The following FAM83H variants were observed in gnomAD, a reference collection of about 807,000 sequenced individuals.
FAM83H encodes protein FAM83H.
FAM83H carries 24 observed loss-of-function variants against 30.2 expected under a neutral mutation model. That is an observed-to-expected ratio of 0.79 (90% confidence interval 0.57 to 1.12). The LOEUF is 1.12. Ranked by LOEUF, FAM83H falls within the 50% of genes most tolerant of loss-of-function variation. The pLI, the probability that FAM83H is intolerant of heterozygous loss-of-function variation, is 0.00. For synonymous variants in FAM83H, 1,013 were observed against 821.7 expected, an observed-to-expected ratio of 1.23 and a Z score of -3.98; for missense variants, 2,038 against 1,773.9, an observed-to-expected ratio of 1.15 and a Z score of -2.67.
Position 143,730,149 on chromosome 8 carries a change from C to A in FAM83H, c.434G>T (p.Arg145Leu). The A allele has an allele frequency of 6.3e-7, 1 of 1,579,288 alleles. No homozygotes were observed. Among genetic ancestry groups the A allele is most frequent in the Non-Finnish European group, 8.6e-7 (1 of 1,159,020 alleles). The change falls in exon 2 of 5, where the codon CGT becomes CTT. Residue 145 changes from arginine (R) to leucine (L), a missense_variant. By Grantham distance (102) the Arg-to-Leu change is moderately radical (BLOSUM62 -2). Coordinates refer to ENST00000388913, the MANE Select transcript of FAM83H (RefSeq NM_198488.5). ...AAGATGGCGCACCTGCTGGGCGGAA[C>A]GGATCATCCTGCGGGCCTCATCCTT... ...SIKDEARRMI[R>L]SAQQVVAVVM...
intron 1 of FAM83H, among the ~76,000 whole-genome samples, chr8:143,730,985 C>T (rs1197102482): frequency 6.6e-6 from 1 of 152,042 alleles, no homozygotes; most frequent in African/African-American, 2.4e-5. Flanking sequence ...GTCCCAGGCA[C>T]TTGGGAAGCT....
rs781915067 is a variant in FAM83H, at chr8:143,727,603, C to G, written c.1858G>C (p.Ala620Pro). The G allele has an allele frequency of 8.9e-5, 141 of 1,579,160 alleles. No homozygotes were observed. Among genetic ancestry groups the G allele is most frequent in the Non-Finnish European group, 1.2e-4 (136 of 1,169,658 alleles). Residue 620 changes from alanine (A) to proline (P), a missense_variant, in exon 5 of 5, where the codon GCA (alanine) becomes CCA (proline). Coordinates refer to ENST00000388913, the MANE Select transcript of FAM83H (RefSeq NM_198488.5). Reference sequence around the variant, plus strand: ...GAGGGGAGCAGGTCGCCGGCAGGTGCCCGGCCCCCGGGAGCCAGCACGTCG... The same window carrying G: ...GAGGGGAGCAGGTCGCCGGCAGGTGGCCGGCCCCCGGGAGCCAGCACGTCG... The part of the protein sequence containing the change: ...EDDVLAPGGR[A>P]PAGDLLPSAF...
intron 1 of FAM83H, chr8:143,731,435 T>C (rs62524247): frequency 0.029 from 28,560 of 985,254 alleles, 982 homozygotes; most frequent in African/African-American, 0.16. Flanking sequence ...AATGGCAACC[T>C]TAAGCCCCAC....
chr8:143,729,181 CG>C lies in FAM83H; in HGVS notation c.589del (p.Arg197ValfsTer44), dbSNP rs782648110. 1.2e-6 allele frequency: 2 copies of C among 1,613,626 alleles called. No individual in the cohort carries two copies. Among genetic ancestry groups the C allele is most frequent in the Admixed American group, 3.3e-5 (2 of 60,004 alleles). On this transcript the variant is annotated frameshift_variant, in exon 3 of 5. Transcript: ENST00000388913. LOFTEE classifies it high-confidence loss of function. Reference protein sequence around the residue: ...QHFLDMADKCRVNLQHVDFLR... With the variant: ...QHFLDMADKCXVNLQHVDFLR... ...CACATCCACGTGCTGCAGGTTGACA[CG>C]GCACTTGTCGGCCATGTCCAGGAAG... is the stretch of plus-strand genomic sequence containing the variant.
In FAM83H at chr8:143,726,435, C is replaced by T. The variant is rs1461686632; in HGVS notation, c.3026G>A (p.Ser1009Asn). 1.2e-5 allele frequency: 20 copies of T among 1,602,742 alleles called. No homozygotes were observed. Among genetic ancestry groups the T allele is most frequent in the Non-Finnish European group, 1.7e-5 (20 of 1,177,334 alleles). The change falls in exon 5 of 5, where the codon AGC (serine) becomes AAC (asparagine). Residue 1009 changes from serine to asparagine, a missense_variant. Physicochemically the swap from Ser to Asn is conservative, Grantham distance 46 (BLOSUM62 1). Coordinates refer to ENST00000388913, the MANE Select transcript of FAM83H (RefSeq NM_198488.5). Reference protein sequence around the residue: ...PRRLSLGQGDSTEAATEERGP... With the variant: ...PRRLSLGQGDNTEAATEERGP... ...CCGCTCTTCTGTGGCAGCCTCCGTG[C>T]TGTCACCCTGGCCCAGTGACAGACG...
In FAM83H at chr8:143,724,585, TG is replaced by T. The variant is rs1458198843; in HGVS notation, c.*1335del. ...GGAAAGGACCTGAGAATGGGGCTGGTGGGGAGAGGGGGGTGTCTGCTGGATA... is the reference window on the plus strand; with the variant it reads ...GGAAAGGACCTGAGAATGGGGCTGGTGGGAGAGGGGGGTGTCTGCTGGATA... On this transcript the variant is annotated 3_prime_UTR_variant, in exon 5 of 5. Transcript: ENST00000388913. 1 of 152,178 alleles carries T rather than the reference TG, an allele frequency of 6.6e-6. No homozygotes were observed. Among genetic ancestry groups the T allele is most frequent in the Middle Eastern group, 3.1e-3 (1 of 318 alleles). 9.4% of individuals were successfully genotyped at this position (152,178 alleles called of 1,614,324 possible).
At position 143,727,867 on chromosome 8, in the gene FAM83H, G is replaced by A. The variant is rs782112054; in HGVS notation, c.1594C>T (p.Arg532Cys). 3.0e-6 allele frequency: 4 copies of A among 1,343,664 alleles called. No homozygotes were observed. Among genetic ancestry groups the A allele is most frequent in the East Asian group, 3.2e-5 (1 of 31,402 alleles). The allele number at this position is 1,343,664 out of a possible 1,614,324, so 83.2% of individuals were successfully genotyped here. The change falls in exon 5 of 5, where the codon CGC becomes TGC. Residue 532 changes from arginine to cysteine, a missense_variant. Arg to Cys is a radical substitution (Grantham distance 180). Transcript: ENST00000388913. ...GGGGCTCCGCTGGGCTCCAGGCCGC[G>A]GGGTCCGGGCGCGAAGGCGGGGTCC... ...GSDPAFAPGP[R>C]GLEPSGAPRP...
At chr8:143,728,772 TG>T in intron 4 of FAM83H, 49 bp from the exon 5 acceptor site, 1 of 1,598,320 alleles carries the variant, frequency 6.3e-7, no homozygotes, top group Non-Finnish European at 8.5e-7. Flanking sequence ...GCGAGGGCAC[TG>T]CAGCCCCGTG....
rs372370198 is a variant in FAM83H at position 143,728,510 on chromosome 8, T to C, written c.951A>G (p.Pro317=). The C allele has an allele frequency of 6.1e-3, 9,487 of 1,557,352 alleles. 46 individuals are homozygous for C. Among genetic ancestry groups the C allele is most frequent in the Non-Finnish European group, 7.8e-3 (8,966 of 1,150,830 alleles). Residue 317 remains proline (P), a synonymous_variant, in exon 5 of 5, where the codon CCA becomes CCG. Transcript: ENST00000388913. ...PLVGVPGVGA[P]TPFSFPKRAH... is the part of the protein sequence containing the mutation. ...CTCGTTTAGGGAAGGAGAAGGGGGT[T>C]GGCGCCCCGACCCCAGGGACGCCCA...
chr8:143,727,391 C>A lies in FAM83H; in HGVS notation c.2070G>T (p.Thr690=). ...CCCCGGCCGCGCCCTCGGCCTGTGA[C>A]GTGCTGAAGATGAGCGAGGAGCGCA... ...SRLRSSLIFS[T]SQAEGAAGAA... is the part of the protein sequence containing the mutation. The change falls in exon 5 of 5, where the codon ACG becomes ACT. Residue 690 remains threonine (T), a synonymous_variant. Transcript: ENST00000388913. The A allele has an allele frequency of 2.5e-6, 4 of 1,573,822 alleles. No individual in the cohort carries two copies. Among genetic ancestry groups the A allele is most frequent in the South Asian group, 1.1e-5 (1 of 88,026 alleles).
At chr8:143,731,124 C>CT (rs1818503772) in intron 1 of FAM83H, among the ~76,000 whole-genome samples, 1 of 150,532 alleles carries the variant, frequency 6.6e-6, no homozygotes, top group Middle Eastern at 3.2e-3. Flanking sequence ...ACGAACCCCC[C>CT]CCCCCAAATA....
At chr8:143,729,656 G>A (rs1818442202) in intron 2 of FAM83H, among the ~76,000 whole-genome samples, 1 of 152,232 alleles carries the variant, frequency 6.6e-6, no homozygotes, top group Non-Finnish European at 1.5e-5. Context: ...CAGGGCAGCT[G>A]TCAGGGCCAA....
At position 143,733,653 on chromosome 8, in the gene FAM83H, C is replaced by G. The variant is rs1428155510; in HGVS notation, c.-16+38G>C. 1 of 150,690 alleles carries G rather than the reference C, an allele frequency of 6.6e-6. No individual in the cohort carries two copies. 9.3% of individuals were successfully genotyped at this position (150,690 alleles called of 1,614,324 possible). On this transcript the variant is annotated intron_variant, in intron 1 of 4. Coordinates refer to ENST00000388913, the MANE Select transcript of FAM83H (RefSeq NM_198488.5). The surrounding 1 kb of genome is among the most constrained non-coding windows in gnomAD (Gnocchi z 5.6). ...GCCAAGGGGCGCCCGCCCCCCGCCT[C>G]GCCCCGCCCCGCTCGGGCCGGGGGA...
In FAM83H at chr8:143,725,140, CGGGGGAGGGGGGAGACGGGGGG is replaced by C. The variant is rs1213931839; in HGVS notation, c.*759_*780del. The stretch of plus-strand genomic sequence containing the variant: ...AGTAGGAAAGGAAGTGAAGCCCAGG[CGGGGGAGGGGGGAGACGGGGGG>C]GGGGGGGGGGGAGGGAAGGAGGAGA... On this transcript the variant is annotated 3_prime_UTR_variant, in exon 5 of 5. Coordinates refer to ENST00000388913, the MANE Select transcript of FAM83H (RefSeq NM_198488.5). The C allele has an allele frequency of 8.8e-5, 1 of 11,308 alleles. No homozygotes were observed. Among genetic ancestry groups the C allele is most frequent in the Non-Finnish European group, 2.0e-4 (1 of 5,118 alleles). The allele number at this position is 11,308 out of a possible 1,614,324, so 0.7% of individuals were successfully genotyped here.
rs1365047798 is a variant in FAM83H at position 143,727,784 on chromosome 8, G to A, written c.1677C>T (p.Asp559=). 3.6e-6 allele frequency: 5 copies of A among 1,402,426 alleles called. No individual in the cohort carries two copies. The South Asian group carries it at 6.1e-5, about 17-fold the overall frequency. The allele number at this position is 1,402,426 out of a possible 1,614,324, so 86.9% of individuals were successfully genotyped here. The part of the protein sequence containing the change: ...PCQAAARPGP[D]PAPEAEPERR... ...GCTCCGGCTCCGCCTCGGGAGCGGG[G>A]TCTGGGCCCGGCCTCGCCGCGGCCT... Residue 559 remains aspartate, a synonymous_variant, in exon 5 of 5, where the codon GAC becomes GAT. Coordinates refer to ENST00000388913, the MANE Select transcript of FAM83H (RefSeq NM_198488.5).
chr8:143,728,651 G>A lies in FAM83H; in HGVS notation c.810C>T (p.Phe270=), dbSNP rs782515530. 5 of 1,606,326 alleles carry A rather than the reference G, an allele frequency of 3.1e-6. No homozygotes were observed. The Admixed American group carries it at 5.0e-5, about 16-fold the overall frequency. ...HVFQGELVSS[F]DEEFRILFAQ... is the part of the protein sequence containing the mutation. ...CGAAGAGGATGCGGAACTCCTCGTC[G>A]AAGCTGGAGACCAGCTCTCCTTGGA... Residue 270 remains phenylalanine, a synonymous_variant, in exon 5 of 5, where the codon TTC becomes TTT. Transcript: ENST00000388913.
At chr8:143,731,597 C>T (rs1285093285) in intron 1 of FAM83H, 1 of 985,370 alleles carries the variant, frequency 1.0e-6, no homozygotes, top group Non-Finnish European at 1.2e-6. Flanking sequence ...CTACCTTTGA[C>T]CTCTTTCTTG....
rs1179117454 is a variant in FAM83H, at chr8:143,725,081, A to G, written c.*840T>C. 2 of 143,388 alleles carry G rather than the reference A, an allele frequency of 1.4e-5. No individual in the cohort carries two copies. The highest frequency in any genetic ancestry group is 5.1e-4 in the South Asian group (2 of 3,926). 8.9% of individuals were successfully genotyped at this position (143,388 alleles called of 1,614,324 possible). A position where few individuals can be genotyped will look rare whatever the true frequency, so the allele number is the denominator to read the frequency against. ...CCACAGCAAGAGACGGGCCTCCAAA[A>G]AAGATGCTGGGAGGCAGCGAGCAGG... On this transcript the variant is annotated 3_prime_UTR_variant, in exon 5 of 5. Coordinates refer to ENST00000388913, the MANE Select transcript of FAM83H (RefSeq NM_198488.5).
Position 143,727,207 on chromosome 8 carries a change from C to A in FAM83H, c.2254G>T (p.Ala752Ser), listed in dbSNP as rs1304347232. 2.6e-6 allele frequency: 4 copies of A among 1,533,206 alleles called. No individual in the cohort carries two copies. Among genetic ancestry groups the A allele is most frequent in the Non-Finnish European group, 3.5e-6 (4 of 1,145,380 alleles). 95.0% of individuals were successfully genotyped at this position (1,533,206 alleles called of 1,614,324 possible). A position where few individuals can be genotyped will look rare whatever the true frequency, so the allele number is the denominator to read the frequency against. ...KGPARDPGGG[A>S]GAITVASHSK... The stretch of plus-strand genomic sequence containing the variant: ...TGGCTGGCAACGGTGATGGCGCCCG[C>A]GCCGCCGCCGGGATCACGGGCTGGG... Residue 752 changes from alanine (A) to serine (S), a missense_variant, in exon 5 of 5, where the codon GCG becomes TCG. Ala to Ser is a moderately conservative substitution (Grantham distance 99). Coordinates refer to ENST00000388913, the MANE Select transcript of FAM83H (RefSeq NM_198488.5).
Sources: gnomAD v4.1 joint callset for allele counts (sites outside exome capture counted in the v4.1 genomes callset) on GRCh38, gnomAD v4.1.1 for gene constraint, Gnocchi (gnomAD v3.1) non-coding constraint, MANE v1.5 for transcripts, NCBI Gene and HGNC (gene_info 2026-07-23, HGNC 2026-07-21) for gene names.